IRAK3: variants seen among roughly 807,000 people sequenced by gnomAD.
The protein encoded by IRAK3 is interleukin 1 receptor associated kinase 3.
A neutral mutation model predicts 56.6 loss-of-function variants in IRAK3; 57 were observed. That is an observed-to-expected ratio of 1.01 (90% CI 0.81 to 1.26). IRAK3 has a LOEUF of 1.26. IRAK3 is among the 50% of genes most tolerant of loss of function. The pLI is 0.00. For synonymous variants in IRAK3, 258 were observed against 255.7 expected (o/e 1.01, Z -0.09); for missense variants, 703 against 719.0 (o/e 0.98, Z 0.25).
intron 8 of IRAK3, chr12:66,234,357 T>C: frequency 3.1e-6 from 5 of 1,612,470 alleles, no homozygotes; most frequent in Non-Finnish European, 4.2e-6. Flanking sequence ...TGCTGTAGAA[T>C]ATATGGTTGA....
At chr12:66,198,690 A>G (rs955705161) in intron 1 of IRAK3, among the ~76,000 whole-genome samples, 1 of 152,090 alleles carries the variant, frequency 6.6e-6, no homozygotes, top group African/African-American at 2.4e-5. Flanking sequence ...ATGAATTTAT[A>G]TGATACAGGA....
At chr12:66,241,084 C>T (rs1464835389) in intron 8 of IRAK3, among the ~76,000 whole-genome samples, 5 of 151,948 alleles carry the variant, frequency 3.3e-5, no homozygotes, top group Non-Finnish European at 7.4e-5. Flanking sequence ...CAGGTCCCCC[C>T]GAAAATTGTC....
At chr12:66,244,136 T>C (rs1367840267) in intron 8 of IRAK3, among the ~76,000 whole-genome samples, 3 of 152,228 alleles carry the variant, frequency 2.0e-5, no homozygotes, top group Non-Finnish European at 4.4e-5. Context: ...AAAACTCAGT[T>C]CATGTTCTCC....
chr12:66,190,141 T>G (rs1328171956), intron 1 of IRAK3, among the ~76,000 whole-genome samples: 1 of 152,204 alleles, frequency 6.6e-6, no homozygotes, highest in Non-Finnish European at 1.5e-5. Flanking sequence ...TTGGTTAGAT[T>G]TGATATTCCA....
intron 7 of IRAK3, among the ~76,000 whole-genome samples, chr12:66,227,816 T>G (rs555423210): frequency 4.6e-5 from 7 of 151,362 alleles, no homozygotes; most frequent in Admixed American, 3.9e-4. Context: ...AGAAGGAGGT[T>G]GAATAAATGT....
At chr12:66,189,841 G>A (rs1337740441) in intron 1 of IRAK3, among the ~76,000 whole-genome samples, 1 of 152,170 alleles carries the variant, frequency 6.6e-6, no homozygotes, top group African/African-American at 2.4e-5. Context: ...ATCCTTTGGT[G>A]TTTTCAATGC....
At chr12:66,197,375 GA>G (rs1354078033) in intron 1 of IRAK3, 11 of 996,404 alleles carry the variant, frequency 1.1e-5, no homozygotes, top group Non-Finnish European at 1.3e-5. Context: ...AAATATTGAA[GA>G]ATGTAATTAA....
chr12:66,222,167 T>C (rs1245672015), intron 6 of IRAK3, among the ~76,000 whole-genome samples: 1 of 152,248 alleles, frequency 6.6e-6, no homozygotes, highest in African/African-American at 2.4e-5. Context: ...GGCTTTGATA[T>C]GAGGGTAATG....
At chr12:66,210,354 T>C (rs1274934763) in intron 4 of IRAK3, among the ~76,000 whole-genome samples, 153 bp downstream of exon 4, 1 of 152,188 alleles carries the variant, frequency 6.6e-6, no homozygotes, top group African/African-American at 2.4e-5. Context: ...TTCAATTTGA[T>C]TGACACTTAT....
chr12:66,224,569 G>T (rs982400587), intron 6 of IRAK3, among the ~76,000 whole-genome samples: 1 of 152,192 alleles, frequency 6.6e-6, no homozygotes, highest in Non-Finnish European at 1.5e-5. Flanking sequence ...AAACTCCATA[G>T]AATGTGGCTT....
At position 66,199,250 on chromosome 12, in the gene IRAK3, A is replaced by G. The variant is rs905725695; in HGVS notation, c.134-4461A>G. On this transcript the variant is annotated intron_variant, in intron 1 of 11. Transcript: ENST00000261233. ...ATATGTATTAGGTGGGACTACAAGA[A>G]CATTTGTTATTAAGAAGTTTGAGAT... Among the ~76,000 whole-genome samples the G allele has an allele frequency of 3.3e-4, 51 of 152,298 alleles. 1 individual carries two copies. The highest frequency in any genetic ancestry group is 1.2e-3 in the African/African-American group (49 of 41,558).
chr12:66,214,380 A>T (rs1306349019), intron 5 of IRAK3, among the ~76,000 whole-genome samples: 5 of 151,686 alleles, frequency 3.3e-5, no homozygotes, highest in African/African-American at 1.2e-4. Context: ...CAAAAAAAAA[A>T]TTAAAAAAAA....
At chr12:66,211,299 G>A (rs531911918) in intron 4 of IRAK3, 147 bp from the exon 5 acceptor site, 1 of 610,944 alleles carries the variant, frequency 1.6e-6, no homozygotes, top group Non-Finnish European at 3.0e-6. Context: ...TGTGCAGAGA[G>A]CACATGGTGG....
chr12:66,231,569 T>C (rs140931847), intron 8 of IRAK3, among the ~76,000 whole-genome samples: 652 of 152,206 alleles, frequency 4.3e-3, no homozygotes, highest in Non-Finnish European at 6.9e-3. Flanking sequence ...CACTGAGTGG[T>C]TGGTCTGAGA....
At chr12:66,194,255 A>G in intron 1 of IRAK3, among the ~76,000 whole-genome samples, 1 of 152,136 alleles carries the variant, frequency 6.6e-6, no homozygotes, top group Non-Finnish European at 1.5e-5. Flanking sequence ...AGTTAGTTAG[A>G]CAATGTTATG....
chr12:66,198,487 A>G (rs1022969893), intron 1 of IRAK3, among the ~76,000 whole-genome samples: 1 of 152,062 alleles, frequency 6.6e-6, no homozygotes, highest in African/African-American at 2.4e-5. Context: ...CGACACTTCT[A>G]TTGCAAAGCT....
At chr12:66,239,974 C>G (rs1319952759) in intron 8 of IRAK3, among the ~76,000 whole-genome samples, 1 of 152,192 alleles carries the variant, frequency 6.6e-6, no homozygotes, top group African/African-American at 2.4e-5. Context: ...TTGGCATTAA[C>G]TAACTGAAGG....
chr12:66,244,756 A>G, intron 9 of IRAK3, 72 bp downstream of exon 9: 1 of 1,401,260 alleles, frequency 7.1e-7, no homozygotes, highest in East Asian at 2.3e-5. Context: ...GAATTTTTTA[A>G]AGAGTTTTAA....
intron 1 of IRAK3, among the ~76,000 whole-genome samples, chr12:66,192,424 A>G (rs982111083): frequency 4.6e-5 from 7 of 152,226 alleles, no homozygotes; most frequent in Non-Finnish European, 1.0e-4. Context: ...AGACATGATA[A>G]CGTAGTACAT....
Sources: gnomAD v4.1 joint callset for allele counts (sites outside exome capture counted in the v4.1 genomes callset) on GRCh38, gnomAD v4.1.1 for gene constraint, MANE v1.5 for transcripts, NCBI Gene and HGNC (gene_info 2026-07-23, HGNC 2026-07-21) for gene names.